Variants in PKNOX1 observed in about 807,000 individuals in gnomAD.
PKNOX1 encodes homeobox protein PKNOX1.
PKNOX1 carries 15 observed loss-of-function variants against 51.9 expected under a neutral mutation model. The observed-to-expected ratio is 0.29, with a 90% CI of 0.19 to 0.45. The LOEUF (loss-of-function observed/expected upper bound fraction) is 0.45, where lower values mean the gene tolerates loss of function less well. PKNOX1 is among the 20% of genes least tolerant of loss of function. PKNOX1 has a pLI of 1.00. For synonymous variants in PKNOX1, 219 were observed against 211.1 expected, an observed-to-expected ratio of 1.04 and a Z score of -0.32; for missense variants, 462 against 547.5, an observed-to-expected ratio of 0.84 and a Z score of 1.56.
chr21:42,992,309 TAGC>T (rs1340549412), intron 1 of PKNOX1, among the ~76,000 whole-genome samples: 1 of 152,150 alleles, frequency 6.6e-6, no homozygotes, highest in Non-Finnish European at 1.5e-5. Flanking sequence ...GTAGAAGAAA[TAGC>T]AGGGCTTTGG....
At chr21:42,994,689 G>T (rs542360643) in intron 1 of PKNOX1, among the ~76,000 whole-genome samples, 71 of 151,938 alleles carry the variant, frequency 4.7e-4, no homozygotes, top group African/African-American at 1.6e-3. Flanking sequence ...GGATATCATG[G>T]TCATACAACT....
In PKNOX1 at chr21:43,024,540, T is replaced by C. The variant is rs909471188; in HGVS notation, c.850-331T>C. 7 of 231,554 alleles carry C rather than the reference T, an allele frequency of 3.0e-5. No homozygotes were observed. In the East Asian group the frequency reaches 6.6e-4, roughly 22 times the overall value. 14.3% of individuals were successfully genotyped at this position (231,554 alleles called of 1,614,324 possible). A position where few individuals can be genotyped will look rare whatever the true frequency, so the allele number is the denominator to read the frequency against. On this transcript the variant is annotated intron_variant, in intron 8 of 10. Transcript: ENST00000291547. ...AAAGTTCAATAAAGTTGATAAAGAA[T>C]CTATAGATTGTATCAAGCCTGGTGT...
Position 43,011,791 on chromosome 21 carries a change from A to C in PKNOX1, c.352-1277A>C, listed in dbSNP as rs552304179. Among the ~76,000 whole-genome samples, 5 of 152,350 alleles carry C rather than the reference A, an allele frequency of 3.3e-5. No individual in the cohort carries two copies. The East Asian group carries it at 9.6e-4, about 29-fold the overall frequency. On this transcript the variant is annotated intron_variant, in intron 4 of 10. Coordinates refer to ENST00000291547, the MANE Select transcript of PKNOX1 (RefSeq NM_004571.5). ...AATTCTCATTATATACTCGATGCTT[A>C]CCATGAAACAGATTTTGTGGGTGAG...
At chr21:43,024,763 C>T (rs1568904998) in intron 8 of PKNOX1, 108 bp from the exon 9 acceptor site, 15 of 708,554 alleles carry the variant, frequency 2.1e-5, no homozygotes, top group Admixed American at 6.7e-5. Flanking sequence ...GCACTGTTGA[C>T]GTGACCATTA....
At chr21:42,987,010 C>T (rs1206311073) in intron 1 of PKNOX1, among the ~76,000 whole-genome samples, 2 of 151,970 alleles carry the variant, frequency 1.3e-5, no homozygotes, top group African/African-American at 2.4e-5. Flanking sequence ...AGCAAGGCAG[C>T]GTCTAGTATA....
At position 43,018,131 on chromosome 21, in the gene PKNOX1, A is replaced by T; in HGVS notation, c.623-2A>T. On this transcript the variant is annotated splice_acceptor_variant, in intron 6 of 10. Coordinates refer to ENST00000291547, the MANE Select transcript of PKNOX1 (RefSeq NM_004571.5). LOFTEE classifies it high-confidence loss of function. The stretch of plus-strand genomic sequence containing the variant: ...CCTCATATTTTTATTCTCCCTTTCG[A>T]GGTGGCACAGTGTATCAGCCTGTCA... The T allele has an allele frequency of 6.4e-7, 1 of 1,563,830 alleles. No individual in the cohort carries two copies. Among genetic ancestry groups the T allele is most frequent in the Non-Finnish European group, 8.8e-7 (1 of 1,140,380 alleles).
At position 43,007,734 on chromosome 21, in the gene PKNOX1, G is replaced by A. The variant is rs1601289908; in HGVS notation, c.179+116G>A. ...CAGAGTTGTGAGGTGCCATTATGAT[G>A]TGATAACTGCTCGGCTGAAAATTTT... On this transcript the variant is annotated intron_variant, in intron 3 of 10. Coordinates refer to ENST00000291547, the MANE Select transcript of PKNOX1 (RefSeq NM_004571.5). 6 of 1,150,552 alleles carry A rather than the reference G, an allele frequency of 5.2e-6. No individual in the cohort carries two copies. The East Asian group carries it at 1.2e-4, about 23-fold the overall frequency. The allele number at this position is 1,150,552 out of a possible 1,614,324, so 71.3% of individuals were successfully genotyped here.
At chr21:42,984,079 TGTGC>T (rs966157403) in intron 1 of PKNOX1, among the ~76,000 whole-genome samples, 1 of 31,284 alleles carries the variant, frequency 3.2e-5, no homozygotes, top group African/African-American at 1.4e-4. Context: ...TGTGCGTGTG[TGTGC>T]GTGTGTGTGT....
intron 1 of PKNOX1, among the ~76,000 whole-genome samples, chr21:43,003,287 C>G (rs1294044054): frequency 6.6e-6 from 1 of 152,246 alleles, no homozygotes; most frequent in Admixed American, 6.5e-5. Context: ...CTCTCCCCCA[C>G]TCTGCAGTGT....
chr21:42,977,228 C>T (rs422052), intron 1 of PKNOX1, among the ~76,000 whole-genome samples: 136,216 of 152,244 alleles, frequency 0.89, 61,063 homozygotes, highest in Non-Finnish European at 0.91. Context: ...TCAAAGACCA[C>T]TGGCTTCAGC....
At chr21:42,992,624 CCG>C (rs2059092974) in intron 1 of PKNOX1, among the ~76,000 whole-genome samples, 1 of 152,122 alleles carries the variant, frequency 6.6e-6, no homozygotes, top group African/African-American at 2.4e-5. Context: ...TTTCTGAAAT[CCG>C]TCAGCTGGAA....
At chr21:42,983,628 C>G (rs950867204) in intron 1 of PKNOX1, among the ~76,000 whole-genome samples, 4 of 150,940 alleles carry the variant, frequency 2.7e-5, no homozygotes, top group African/African-American at 9.9e-5. Context: ...ATCCTACTTT[C>G]AATTTTTTTG....
At chr21:43,017,616 T>C (rs1979550924) in intron 6 of PKNOX1, 1 of 153,204 alleles carries the variant, frequency 6.5e-6, no homozygotes, top group African/African-American at 2.4e-5. Context: ...TATTATTTAG[T>C]ACCCTTGGCC....
intron 5 of PKNOX1, among the ~76,000 whole-genome samples, chr21:43,014,162 C>G (rs1304553451): frequency 6.6e-6 from 1 of 151,838 alleles, no homozygotes; most frequent in Non-Finnish European, 1.5e-5. Context: ...GCTGGGACTA[C>G]AGGTGCCTGC....
chr21:43,004,806 A>G (rs1217036291), intron 2 of PKNOX1, among the ~76,000 whole-genome samples: 1 of 152,146 alleles, frequency 6.6e-6, no homozygotes, highest in African/African-American at 2.4e-5. Context: ...TTGAATGGGA[A>G]TCTTGTAGCC....
At chr21:42,985,336 G>T (rs1601269815) in intron 1 of PKNOX1, among the ~76,000 whole-genome samples, 5 of 151,758 alleles carry the variant, frequency 3.3e-5, no homozygotes. Flanking sequence ...GTTTTTGTTT[G>T]TTTGTTTGTT....
At chr21:42,990,620 A>G (rs938505402) in intron 1 of PKNOX1, among the ~76,000 whole-genome samples, 1 of 152,198 alleles carries the variant, frequency 6.6e-6, no homozygotes, top group African/African-American at 2.4e-5. Flanking sequence ...TCTTACGTTC[A>G]TTGGCTGGGG....
intron 1 of PKNOX1, among the ~76,000 whole-genome samples, chr21:42,976,683 C>G (rs1156371095): frequency 6.6e-6 from 1 of 152,196 alleles, no homozygotes; most frequent in Non-Finnish European, 1.5e-5. Context: ...TAAGAAGCAA[C>G]TGTTCATTAT....
At chr21:43,019,000 G>A (rs1193034010) in intron 7 of PKNOX1, among the ~76,000 whole-genome samples, 1 of 151,004 alleles carries the variant, frequency 6.6e-6, no homozygotes, top group African/African-American at 2.4e-5. Context: ...CAGGAGAATC[G>A]CTTGAACCCG....
Sources: allele counts gnomAD v4.1 joint callset (sites outside exome capture counted in the v4.1 genomes callset), GRCh38; gene constraint gnomAD v4.1.1; transcripts MANE v1.5; gene names NCBI Gene and HGNC (gene_info 2026-07-23, HGNC 2026-07-21).